Variants in COL11A2 observed in about 807,000 individuals in gnomAD.
COL11A2 encodes the protein collagen alpha-2(XI) chain.
A neutral mutation model predicts 273.4 loss-of-function variants in COL11A2; 116 were observed. The observed-to-expected ratio is 0.42, with a 90% CI of 0.36 to 0.49. COL11A2 has a LOEUF of 0.49. COL11A2 is among the 20% of genes least tolerant of loss of function. COL11A2 has a pLI of 0.00. For missense variants in COL11A2, 1,866 were observed against 2,309.0 expected (o/e 0.81, Z 3.93); for synonymous variants, 782 against 864.2 (o/e 0.90, Z 1.67).
In COL11A2 at chr6:33,176,103, T is replaced by C; in HGVS notation, c.2215-34A>G. ...GATAGAGGTGAGAGGGCACCACAGA[T>C]GACAGAGGGCTGGGGTTCTAATGGG... On this transcript the variant is annotated intron_variant, in intron 28 of 65. Coordinates refer to ENST00000341947, the MANE Select transcript of COL11A2 (RefSeq NM_080680.3). This position sits in a 1 kb window ranked among gnomAD's most constrained non-coding sequence, Gnocchi z 4.9. The C allele has an allele frequency of 6.2e-7, 1 of 1,612,482 alleles. No individual in the cohort carries two copies. The highest frequency in any genetic ancestry group is 8.5e-7 in the Non-Finnish European group (1 of 1,179,608).
At chr6:33,183,211 A>G (rs185052541) in intron 8 of COL11A2, among the ~76,000 whole-genome samples, 269 of 152,348 alleles carry the variant, frequency 1.8e-3, no homozygotes, top group African/African-American at 3.4e-3. Flanking sequence ...AACACTTGGA[A>G]GCAAGAATGA....
In COL11A2 at chr6:33,177,464, C is replaced by T. The variant is rs2150573001; in HGVS notation, c.1919G>A (p.Gly640Glu). 1.2e-6 allele frequency: 2 copies of T among 1,612,872 alleles called. No individual in the cohort carries two copies. Among genetic ancestry groups the T allele is most frequent in the Non-Finnish European group, 1.7e-6 (2 of 1,179,958 alleles). The change falls in exon 23 of 66, where the codon GGA becomes GAA. Residue 640 changes from glycine (G) to glutamate (E), a missense_variant and splice_region_variant. Physicochemically the swap from Gly to Glu is moderately conservative, Grantham distance 98. Coordinates refer to ENST00000341947, the MANE Select transcript of COL11A2 (RefSeq NM_080680.3). This position sits in a 1 kb window ranked among gnomAD's most constrained non-coding sequence, Gnocchi z 5.9. ...AGGAGGTCCTGGCTCTCCCTGGGGT[C>T]CCTAGAAACAGGTGACCAGGCACAG... ...DGPQGPKGSL[G>E]PQGEPGPPGQ...
Position 33,167,716 on chromosome 6 carries a change from T to C in COL11A2, c.4014+83A>G. The C allele has an allele frequency of 6.5e-7, 1 of 1,533,624 alleles. No homozygotes were observed. The highest frequency in any genetic ancestry group is 9.0e-7 in the Non-Finnish European group (1 of 1,115,938). ...GGGCCCAACATGGGAGAGGTGGAGA[T>C]GGGGTGGGCATCTGGAGACGGAGGC... On this transcript the variant is annotated intron_variant, in intron 55 of 65. Transcript: ENST00000341947. The surrounding 1 kb of genome is among the most constrained non-coding windows in gnomAD (Gnocchi z 6.1).
chr6:33,184,396 AG>A, intron 7 of COL11A2, 72 bp from the exon 8 acceptor site: 1 of 1,125,232 alleles, frequency 8.9e-7, no homozygotes, highest in South Asian at 1.3e-5. Flanking sequence ...CCTGGACCCC[AG>A]GGTGTGACAA....
chr6:33,169,159 G>T lies in COL11A2; in HGVS notation c.3799-151C>A. On this transcript the variant is annotated intron_variant, in intron 51 of 65. Coordinates refer to ENST00000341947, the MANE Select transcript of COL11A2 (RefSeq NM_080680.3). The surrounding 1 kb of genome is among the most constrained non-coding windows in gnomAD (Gnocchi z 5.5). ...TCCTGCACCCCTTTCCCTACCACGTGCACTGCGTGTTGTCTAATTCCTCAA... is the reference window on the plus strand; with the variant it reads ...TCCTGCACCCCTTTCCCTACCACGTTCACTGCGTGTTGTCTAATTCCTCAA... 1 of 792,792 alleles carries T rather than the reference G, an allele frequency of 1.3e-6. No individual in the cohort carries two copies. Among genetic ancestry groups the T allele is most frequent in the Non-Finnish European group, 2.0e-6 (1 of 490,018 alleles). 49.1% of individuals were successfully genotyped at this position (792,792 alleles called of 1,614,324 possible).
In COL11A2 at chr6:33,186,904, C is replaced by G. The variant is rs1332030921; in HGVS notation, c.607-86G>C. Reference sequence around the variant, plus strand: ...GGGAGAAAGAGTATAGGAGGCCAATCCTAGGTAAAACCCTAAGATGGGAGA... The same window carrying G: ...GGGAGAAAGAGTATAGGAGGCCAATGCTAGGTAAAACCCTAAGATGGGAGA... On this transcript the variant is annotated intron_variant, in intron 4 of 65. Transcript: ENST00000341947. 3.8e-6 allele frequency: 6 copies of G among 1,582,968 alleles called. No homozygotes were observed. The Admixed American group carries it at 6.7e-5, about 18-fold the overall frequency.
rs532854758 is a variant in COL11A2, at chr6:33,166,269, G to A, written c.4393-63C>T. On this transcript the variant is annotated intron_variant, in intron 60 of 65. Coordinates refer to ENST00000341947, the MANE Select transcript of COL11A2 (RefSeq NM_080680.3). The surrounding 1 kb of genome is among the most constrained non-coding windows in gnomAD (Gnocchi z 4.8). Reference sequence around the variant, plus strand: ...GGGGAAGGACAGGACTCAGAGGAGCGGGGAGGCAAGGTCCCAAGTCCACAG... The same window carrying A: ...GGGGAAGGACAGGACTCAGAGGAGCAGGGAGGCAAGGTCCCAAGTCCACAG... 23 of 1,555,592 alleles carry A rather than the reference G, an allele frequency of 1.5e-5. No homozygotes were observed. The highest frequency in any genetic ancestry group is 1.7e-4 in the Middle Eastern group (1 of 5,860).
chr6:33,178,362 G>A lies in COL11A2; in HGVS notation c.1774-10C>T, dbSNP rs550256965. 15 of 1,612,848 alleles carry A rather than the reference G, an allele frequency of 9.3e-6. No homozygotes were observed. In the African/African-American group the frequency reaches 1.3e-4, roughly 14 times the overall value. ...TCTCCCCGTCATCTCCCTGGAGGAG[G>A]AGGACACGGTAAAGCTGCTGTGCCT... On this transcript the variant is annotated splice_polypyrimidine_tract_variant and intron_variant, in intron 19 of 65. Transcript: ENST00000341947. The surrounding 1 kb of genome is among the most constrained non-coding windows in gnomAD (Gnocchi z 4.6).
rs528413849 is a variant in COL11A2, at chr6:33,164,733, G to C, written c.4863+119C>G. 7.5e-5 allele frequency: 63 copies of C among 837,230 alleles called. No individual in the cohort carries two copies. In the African/African-American group the frequency reaches 9.8e-4, roughly 13 times the overall value. 51.9% of individuals were successfully genotyped at this position (837,230 alleles called of 1,614,324 possible). A position where few individuals can be genotyped will look rare whatever the true frequency, so the allele number is the denominator to read the frequency against. On this transcript the variant is annotated intron_variant, in intron 64 of 65. Transcript: ENST00000341947. This position sits in a 1 kb window ranked among gnomAD's most constrained non-coding sequence, Gnocchi z 4.7. ...AAGAAAGAGCTAAGAAGTGGAGAAG[G>C]GGTGGCAGGCTCCGGGGGGGGCAAC...
In COL11A2 at chr6:33,173,423, G is replaced by A. The variant is rs955946566; in HGVS notation, c.2683-22C>T. ...GGCCCTGGAAGGGGTTCAGTTGTCA[G>A]GTGAACTCTCAGCTGGAAAGCAGGT... On this transcript the variant is annotated intron_variant, in intron 36 of 65. Coordinates refer to ENST00000341947, the MANE Select transcript of COL11A2 (RefSeq NM_080680.3). This position sits in a 1 kb window ranked among gnomAD's most constrained non-coding sequence, Gnocchi z 6.3. 7 of 1,613,036 alleles carry A rather than the reference G, an allele frequency of 4.3e-6. No homozygotes were observed. In the Admixed American group the frequency reaches 1.0e-4, roughly 23 times the overall value.
In COL11A2 at chr6:33,170,113, C is replaced by T. The variant is rs1451382406; in HGVS notation, c.3583-13G>A. On this transcript the variant is annotated splice_polypyrimidine_tract_variant and intron_variant, in intron 48 of 65. Transcript: ENST00000341947. This position sits in a 1 kb window ranked among gnomAD's most constrained non-coding sequence, Gnocchi z 4.3. ...GACCTTGTGGGCCCTGGAAGAGGAA[C>T]AGAAATAGGTGTCATTGCTTAGGAT... 1.2e-6 allele frequency: 2 copies of T among 1,612,944 alleles called. No individual in the cohort carries two copies. Among genetic ancestry groups the T allele is most frequent in the East Asian group, 2.2e-5 (1 of 44,880 alleles).
In COL11A2 at chr6:33,178,799, C is replaced by A; in HGVS notation, c.1666-67G>T. 6.2e-7 allele frequency: 1 copy of A among 1,607,066 alleles called. No individual in the cohort carries two copies. The highest frequency in any genetic ancestry group is 1.1e-5 in the South Asian group (1 of 90,966). On this transcript the variant is annotated intron_variant, in intron 17 of 65. Coordinates refer to ENST00000341947, the MANE Select transcript of COL11A2 (RefSeq NM_080680.3). The surrounding 1 kb of genome is among the most constrained non-coding windows in gnomAD (Gnocchi z 4.6). ...TCCAAGCCCACCCCTCCCTACTGCA[C>A]CCTGAGCTGGGGGGGTGCTGATCCT...
At position 33,177,720 on chromosome 6, in the gene COL11A2, T is replaced by C. The variant is rs149099562; in HGVS notation, c.1873-14A>G. The C allele has an allele frequency of 1.0e-4, 162 of 1,612,686 alleles. 2 individuals carry two copies. The East Asian group carries it at 3.4e-3, about 34-fold the overall frequency. On this transcript the variant is annotated splice_polypyrimidine_tract_variant and intron_variant, in intron 21 of 65. Coordinates refer to ENST00000341947, the MANE Select transcript of COL11A2 (RefSeq NM_080680.3). The surrounding 1 kb of genome is among the most constrained non-coding windows in gnomAD (Gnocchi z 5.9). ...GCCTCGGACGCCCTGAAACACAAGA[T>C]GGGTGTGAGCAGCCTGAAGGTGGCC...
In COL11A2 at chr6:33,176,866, G is replaced by A. The variant is rs1770977363; in HGVS notation, c.2071-101C>T. ...CCCAAATTTCCTGTGACCTAGTGAA[G>A]CCAACTGTCCATGGACAAGCACCAC... On this transcript the variant is annotated intron_variant, in intron 25 of 65. Coordinates refer to ENST00000341947, the MANE Select transcript of COL11A2 (RefSeq NM_080680.3). The surrounding 1 kb of genome is among the most constrained non-coding windows in gnomAD (Gnocchi z 4.9). 1.3e-6 allele frequency: 2 copies of A among 1,537,780 alleles called. No homozygotes were observed. Among genetic ancestry groups the A allele is most frequent in the Non-Finnish European group, 1.8e-6 (2 of 1,127,682 alleles).
Position 33,173,660 on chromosome 6 carries a change from C to G in COL11A2, c.2628+41G>C. The G allele has an allele frequency of 6.4e-7, 1 of 1,560,050 alleles. No homozygotes were observed. On this transcript the variant is annotated intron_variant, in intron 35 of 65. Coordinates refer to ENST00000341947, the MANE Select transcript of COL11A2 (RefSeq NM_080680.3). The surrounding 1 kb of genome is among the most constrained non-coding windows in gnomAD (Gnocchi z 6.3). ...GAGGGAGCTGGCTCACCCAGGCTCCCTGGGGACCTCAGGGGAAGGGGACTT... is the reference window on the plus strand; with the variant it reads ...GAGGGAGCTGGCTCACCCAGGCTCCGTGGGGACCTCAGGGGAAGGGGACTT...
Position 33,178,776 on chromosome 6 carries a change from C to A in COL11A2, c.1666-44G>T. The A allele has an allele frequency of 6.2e-7, 1 of 1,611,316 alleles. No individual in the cohort carries two copies. On this transcript the variant is annotated intron_variant, in intron 17 of 65. Transcript: ENST00000341947. This position sits in a 1 kb window ranked among gnomAD's most constrained non-coding sequence, Gnocchi z 4.6. ...GCCAGAGTGAGGACACGACCCTGTC[C>A]AAGCCCACCCCTCCCTACTGCACCC...
In COL11A2 at chr6:33,192,277, G is replaced by A; in HGVS notation, c.-37C>T. Reference sequence around the variant, plus strand: ...CGAAACGCCGGGTCCCAGGGACCCAGGTCGGCCTGAGACGCTGGATGCCCT... The same window carrying A: ...CGAAACGCCGGGTCCCAGGGACCCAAGTCGGCCTGAGACGCTGGATGCCCT... On this transcript the variant is annotated 5_prime_UTR_variant, in exon 1 of 66. Coordinates refer to ENST00000341947, the MANE Select transcript of COL11A2 (RefSeq NM_080680.3). The A allele has an allele frequency of 6.5e-7, 1 of 1,546,752 alleles. No individual in the cohort carries two copies. Among genetic ancestry groups the A allele is most frequent in the Non-Finnish European group, 8.7e-7 (1 of 1,144,882 alleles).
chr6:33,176,476 C>T lies in COL11A2; in HGVS notation c.2126G>A (p.Gly709Glu), dbSNP rs1770921820. 1 of 1,612,216 alleles carries T rather than the reference C, an allele frequency of 6.2e-7. No individual in the cohort carries two copies. The highest frequency in any genetic ancestry group is 8.5e-7 in the Non-Finnish European group (1 of 1,179,606). The change falls in exon 27 of 66, where the codon GGA becomes GAA. Residue 709 changes from glycine to glutamate, a missense_variant. Physicochemically the swap from Gly to Glu is moderately conservative, Grantham distance 98. Transcript: ENST00000341947. The surrounding 1 kb of genome is among the most constrained non-coding windows in gnomAD (Gnocchi z 4.9). Reference sequence around the variant, plus strand: ...TGGGTATCCTAGAGGTCCCTGAGGTCCAGAGGGACCCTGGAAGATAAAAGA... The same window carrying T: ...TGGGTATCCTAGAGGTCCCTGAGGTTCAGAGGGACCCTGGAAGATAAAAGA... ...PGTKGNQGPS[G>E]PQGPLGYPGP...
chr6:33,184,881 G>T, intron 7 of COL11A2, 111 bp downstream of exon 7: 1 of 886,962 alleles, frequency 1.1e-6, no homozygotes, highest in Non-Finnish European at 1.8e-6. Flanking sequence ...AAATGAGGAA[G>T]AACCCTCCGG....
Sources: gnomAD v4.1 joint callset for allele counts (sites outside exome capture counted in the v4.1 genomes callset) on GRCh38, gnomAD v4.1.1 for gene constraint, Gnocchi (gnomAD v3.1) non-coding constraint, MANE v1.5 for transcripts, NCBI Gene and HGNC (gene_info 2026-07-23, HGNC 2026-07-21) for gene names.